The following TASOR variants were observed in gnomAD, a reference collection of about 807,000 sequenced individuals.
The protein encoded by TASOR is transcription activation suppressor, also known as protein TASOR.
In TASOR, 53 loss-of-function variants were observed where a neutral mutation model predicts 178.6. That is an observed-to-expected ratio of 0.30 (90% CI 0.24 to 0.37). TASOR has a LOEUF of 0.37. TASOR is among the 10% of genes least tolerant of loss of function. The pLI is 1.00. For missense variants in TASOR, 1,815 were observed against 1,971.4 expected (o/e 0.92, Z 1.50); for synonymous variants, 713 against 696.2 (o/e 1.02, Z -0.38).
Position 56,682,804 on chromosome 3 carries a change from C to T in TASOR, c.203G>A (p.Ser68Asn), listed in dbSNP as rs1386700211. ...EENAGAEAAQ[S>N]LSHEQPQDSS... Reference sequence around the variant, plus strand: ...GTCCTGAGGCTGCTCGTGGCTGAGGCTCTGGGCGGCCTCGGCCCCCGCGTT... The same window carrying T: ...GTCCTGAGGCTGCTCGTGGCTGAGGTTCTGGGCGGCCTCGGCCCCCGCGTT... The change falls in exon 1 of 24, where the codon AGC becomes AAC. Residue 68 changes from serine to asparagine, a missense_variant. Physicochemically the swap from Ser to Asn is conservative, Grantham distance 46. Around this residue, in one of 5 missense-constraint regions of TASOR, gnomAD observed 244 missense variants for 202.7 expected, o/e 1.20. Transcript: ENST00000683822. The T allele has an allele frequency of 5.8e-6, 9 of 1,550,338 alleles. No homozygotes were observed. The East Asian group carries it at 1.5e-4, about 25-fold the overall frequency.
chr3:56,670,514 A>G (rs1173506494), intron 3 of TASOR, among the ~76,000 whole-genome samples: 1 of 152,112 alleles, frequency 6.6e-6, no homozygotes, highest in African/African-American at 2.4e-5. Context: ...CTACTTTTCA[A>G]TCATTTTTCT....
intron 18 of TASOR, among the ~76,000 whole-genome samples, chr3:56,630,468 TATAA>T (rs2076885465): frequency 6.6e-6 from 1 of 152,370 alleles, no homozygotes. Context: ...TTTTATTCTA[TATAA>T]ATGACAGAAA....
At position 56,633,094 on chromosome 3, in the gene TASOR, T is replaced by G; in HGVS notation, c.3697A>C (p.Lys1233Gln). 6.2e-7 allele frequency: 1 copy of G among 1,608,812 alleles called. No individual in the cohort carries two copies. Among genetic ancestry groups the G allele is most frequent in the Non-Finnish European group, 8.5e-7 (1 of 1,178,526 alleles). The change falls in exon 18 of 24, where the codon AAA becomes CAA. Residue 1233 changes from lysine (K) to glutamine (Q), a missense_variant. Physicochemically the swap from Lys to Gln is moderately conservative, Grantham distance 53. Around this residue, in one of 5 missense-constraint regions of TASOR, gnomAD observed 655 missense variants for 671.1 expected, o/e 0.98. Coordinates refer to ENST00000683822, the MANE Select transcript of TASOR (RefSeq NM_001365635.2). Reference protein sequence around the residue: ...IMKDVQKNTVKFYIHEEEESV... With the variant: ...IMKDVQKNTVQFYIHEEEESV... ...TCTTCTTCTTCATGAATATAAAATT[T>G]CACAGTATTTTTCTGGACGTCTTTC... is the stretch of plus-strand genomic sequence containing the variant.
chr3:56,671,146 C>G (rs1294825827), intron 3 of TASOR, among the ~76,000 whole-genome samples: 3 of 151,952 alleles, frequency 2.0e-5, no homozygotes, highest in African/African-American at 7.3e-5. Flanking sequence ...CAAGACCAGC[C>G]TGGCCCACAT....
Position 56,663,588 on chromosome 3 carries a change from A to T in TASOR, c.1023-16T>A. 1.5e-6 allele frequency: 2 copies of T among 1,297,262 alleles called. No homozygotes were observed. The highest frequency in any genetic ancestry group is 2.0e-6 in the Non-Finnish European group (2 of 989,724). The allele number at this position is 1,297,262 out of a possible 1,614,324, so 80.4% of individuals were successfully genotyped here. On this transcript the variant is annotated splice_polypyrimidine_tract_variant and intron_variant, in intron 7 of 23. Transcript: ENST00000683822. Reference sequence around the variant, plus strand: ...GCTGTTAGATCTACAAATTTTTTAAAAGAAAAGAAAAACATTACTCATTAG... The same window carrying T: ...GCTGTTAGATCTACAAATTTTTTAATAGAAAAGAAAAACATTACTCATTAG...
chr3:56,672,310 G>C (rs928922304), intron 2 of TASOR, among the ~76,000 whole-genome samples: 3 of 152,060 alleles, frequency 2.0e-5, no homozygotes, highest in African/African-American at 7.2e-5. Flanking sequence ...TTTATCTTCA[G>C]ACTAAATTTT....
At chr3:56,666,062 T>C (rs962847326) in intron 7 of TASOR, among the ~76,000 whole-genome samples, 198 bp downstream of exon 7, 1 of 152,138 alleles carries the variant, frequency 6.6e-6, no homozygotes, top group Admixed American at 6.5e-5. Flanking sequence ...AGCTTGTATT[T>C]ATTTCCACAT....
chr3:56,627,809 G>T (rs1234845107), intron 19 of TASOR, 68 bp from the exon 20 acceptor site: 2 of 1,430,010 alleles, frequency 1.4e-6, no homozygotes, highest in Non-Finnish European at 1.9e-6. Flanking sequence ...AAGTGTGAAG[G>T]AACCTACAAG....
In TASOR at chr3:56,622,783, A is replaced by G. The variant is rs2076716186; in HGVS notation, c.*254T>C. ...GATTTTACACATAAAACAGGCTTCA[A>G]TTTGAAGCCTAAGTACAGGTAACAT... On this transcript the variant is annotated 3_prime_UTR_variant, in exon 24 of 24. Transcript: ENST00000683822. 1 of 256,766 alleles carries G rather than the reference A, an allele frequency of 3.9e-6. No homozygotes were observed. The highest frequency in any genetic ancestry group is 1.7e-4 in the South Asian group (1 of 6,008). 15.9% of individuals were successfully genotyped at this position (256,766 alleles called of 1,614,324 possible).
At chr3:56,627,432 AAG>A (rs1259952587) in intron 20 of TASOR, 148 bp downstream of exon 20, 1 of 878,186 alleles carries the variant, frequency 1.1e-6, no homozygotes, top group Non-Finnish European at 1.8e-6. Context: ...TTATTGGTCT[AAG>A]AGAAGGAGAA....
chr3:56,666,250 T>C lies in TASOR; in HGVS notation c.1022+10A>G, dbSNP rs2029958182. 4 of 1,530,186 alleles carry C rather than the reference T, an allele frequency of 2.6e-6. No homozygotes were observed. The highest frequency in any genetic ancestry group is 2.6e-6 in the Non-Finnish European group (3 of 1,138,930). 94.8% of individuals were successfully genotyped at this position (1,530,186 alleles called of 1,614,324 possible). A position where few individuals can be genotyped will look rare whatever the true frequency, so the allele number is the denominator to read the frequency against. On this transcript the variant is annotated intron_variant, in intron 7 of 23. Transcript: ENST00000683822. Reference sequence around the variant, plus strand: ...CACTGCGGATGATGTCTAAAACTCCTAAGTCTTACCTTGATGAAGGTACAA... The same window carrying C: ...CACTGCGGATGATGTCTAAAACTCCCAAGTCTTACCTTGATGAAGGTACAA...
chr3:56,668,314 G>T, intron 6 of TASOR, 83 bp downstream of exon 6: 1 of 1,319,756 alleles, frequency 7.6e-7, no homozygotes, highest in Non-Finnish European at 1.0e-6. Context: ...TGGGGACAGA[G>T]AGAACTGAAA....
At chr3:56,659,771 G>C (rs2077552185) in intron 11 of TASOR, among the ~76,000 whole-genome samples, 1 of 152,110 alleles carries the variant, frequency 6.6e-6, no homozygotes, top group African/African-American at 2.4e-5. Context: ...CTTGAACACT[G>C]CCTGAATGAC....
chr3:56,650,681 T>C (rs1194109303), intron 11 of TASOR, among the ~76,000 whole-genome samples: 3 of 152,192 alleles, frequency 2.0e-5, no homozygotes, highest in Admixed American at 2.0e-4. Context: ...TGTGCTGAGG[T>C]GGCCTTGTTT....
intron 17 of TASOR, among the ~76,000 whole-genome samples, 161 bp downstream of exon 17, chr3:56,638,545 C>A (rs1193799046): frequency 6.6e-6 from 1 of 152,068 alleles, no homozygotes; most frequent in Admixed American, 6.6e-5. Context: ...ATAGTGGATA[C>A]AACTCAAGTA....
rs552792462 is a variant in TASOR at position 56,665,418 on chromosome 3, C to T, written c.1022+842G>A. Among the ~76,000 whole-genome samples, 21 of 152,106 alleles carry T rather than the reference C, an allele frequency of 1.4e-4. No homozygotes were observed. The South Asian group carries it at 3.5e-3, about 26-fold the overall frequency. On this transcript the variant is annotated intron_variant, in intron 7 of 23. Transcript: ENST00000683822. The stretch of plus-strand genomic sequence containing the variant: ...TCACCCAGGCTGTAGTGCAGTGGTG[C>T]GATCACAGCTCACTGCCAACCTCCA...
Position 56,623,215 on chromosome 3 carries a change from T to G in TASOR, c.4835A>C (p.Asn1612Thr). ...CAAAAATGTCTGATGAGTGAGAACA[T>G]TAAAATGACTAAACTGATGGGACAT... is the stretch of plus-strand genomic sequence containing the variant. ...LNMSHQFSHF[N>T]VLTHQTFLGT... The change falls in exon 24 of 24, where the codon AAT (asparagine) becomes ACT (threonine). Residue 1612 changes from asparagine to threonine, a missense_variant. Asn to Thr is a moderately conservative substitution (Grantham distance 65). This residue lies in a region of TASOR where 278 missense variants were observed against 257.1 expected (regional missense o/e 1.08). Transcript: ENST00000683822. 6.2e-7 allele frequency: 1 copy of G among 1,613,568 alleles called. No individual in the cohort carries two copies. Among genetic ancestry groups the G allele is most frequent in the Non-Finnish European group, 8.5e-7 (1 of 1,179,862 alleles).
In TASOR at chr3:56,621,757, G is replaced by T; in HGVS notation, c.*1280C>A. 9.8e-5 allele frequency: 29 copies of T among 296,188 alleles called. No homozygotes were observed. The highest frequency in any genetic ancestry group is 1.3e-3 in the Middle Eastern group (1 of 758). The allele number at this position is 296,188 out of a possible 1,614,324, so 18.3% of individuals were successfully genotyped here. ...TCATTAAAAACTTGTATACTATGTA[G>T]TAAAATGCTGTACTTGTTCTATACA... is the stretch of plus-strand genomic sequence containing the variant. On this transcript the variant is annotated 3_prime_UTR_variant, in exon 24 of 24. Transcript: ENST00000683822.
At chr3:56,659,216 C>T (rs1180758326) in intron 11 of TASOR, among the ~76,000 whole-genome samples, 2 of 152,142 alleles carry the variant, frequency 1.3e-5, no homozygotes, top group Non-Finnish European at 2.9e-5. Context: ...CATTCGACTA[C>T]CTGGAAACTG....
Sources: allele counts gnomAD v4.1 joint callset (sites outside exome capture counted in the v4.1 genomes callset), GRCh38; gene constraint gnomAD v4.1.1; regional missense constraint gnomAD v4.1.1; transcripts MANE v1.5; gene names NCBI Gene and HGNC (gene_info 2026-07-23, HGNC 2026-07-21).